Variants in SET observed in about 807,000 individuals in gnomAD.
SET encodes the protein protein SET.
A neutral mutation model predicts 39.0 loss-of-function variants in SET; 4 were observed. The observed-to-expected ratio is 0.10, with a 90% confidence interval of 0.05 to 0.23. The LOEUF (loss-of-function observed/expected upper bound fraction) is 0.23. Ranked by LOEUF, SET falls within the 10% of genes least tolerant of loss-of-function variation. The pLI is 1.00. For synonymous variants in SET, 114 were observed against 115.9 expected (o/e 0.98, Z 0.11); for missense variants, 137 against 329.7 (o/e 0.42, Z 4.53).
chr9:128,694,153 GA>G, intron 7 of SET, 111 bp downstream of exon 7: 6 of 993,790 alleles, frequency 6.0e-6, no homozygotes, highest in Non-Finnish European at 6.9e-6. Flanking sequence ...ACTGATTGTG[GA>G]AAAAAAGTAA....
At position 128,695,995 on chromosome 9, in the gene SET, A is replaced by G; in HGVS notation, c.*1331A>G. On this transcript the variant is annotated 3_prime_UTR_variant, in exon 8 of 8. Transcript: ENST00000322030. Reference sequence around the variant, plus strand: ...TGGCCAAGAAGATAGGCTCTCAGTAAGAAGTCTGATGGTGAGCAGTAACTG... The same window carrying G: ...TGGCCAAGAAGATAGGCTCTCAGTAGGAAGTCTGATGGTGAGCAGTAACTG... 1 of 226,424 alleles carries G rather than the reference A, an allele frequency of 4.4e-6. No individual in the cohort carries two copies. 14.0% of individuals were successfully genotyped at this position (226,424 alleles called of 1,614,324 possible).
intron 7 of SET, 70 bp from the exon 8 acceptor site, chr9:128,694,571 C>T: frequency 1.9e-6 from 2 of 1,040,732 alleles, no homozygotes; most frequent in Non-Finnish European, 2.9e-6. Flanking sequence ...CTCGTGGGGT[C>T]CATTGTGGTC....
At chr9:128,686,721 C>T (rs1456589004), upstream of SET, among the ~76,000 whole-genome samples, 2 of 152,112 alleles carry the variant, frequency 1.3e-5, no homozygotes, top group African/African-American at 4.8e-5. Flanking sequence ...CTTGTAATCC[C>T]AGAGCTCTGG....
At chr9:128,688,134 C>T (rs1042547591), upstream of SET, among the ~76,000 whole-genome samples, 1 of 152,150 alleles carries the variant, frequency 6.6e-6, no homozygotes, top group Non-Finnish European at 1.5e-5. Context: ...TTGCTTGAAC[C>T]CGAGAGGCAG....
chr9:128,691,747 T>G (rs920942548), intron 2 of SET, 111 bp from the exon 3 acceptor site: 1 of 1,014,518 alleles, frequency 9.9e-7, no homozygotes, highest in Admixed American at 2.9e-5. Context: ...TTATTATAAT[T>G]TGGTTATTTT....
At chr9:128,694,242 T>TGG (rs1564362336) in intron 7 of SET, among the ~76,000 whole-genome samples, 200 bp downstream of exon 7, 1 of 151,702 alleles carries the variant, frequency 6.6e-6, no homozygotes, top group African/African-American at 2.4e-5. Flanking sequence ...TTTTTTGGTT[T>TGG]TTTTTTGGGT....
chr9:128,694,143 A>G (rs1238127656), intron 7 of SET, 101 bp downstream of exon 7: 1 of 1,076,352 alleles, frequency 9.3e-7, no homozygotes, highest in East Asian at 2.8e-5. Flanking sequence ...ACTGACCAGA[A>G]CTGATTGTGG....
At position 128,692,659 on chromosome 9, in the gene SET, T is replaced by C. The variant is rs1177490537; in HGVS notation, c.275-3T>C. On this transcript the variant is annotated splice_region_variant and splice_polypyrimidine_tract_variant and intron_variant, in intron 3 of 7. Coordinates refer to ENST00000322030, the MANE Select transcript of SET (RefSeq NM_003011.4). ...TCAGCTGACCTGTAATTTTCTGGCC[T>C]AGTGTCTGCACTGCTTGGGGAGGAA... 1.3e-6 allele frequency: 2 copies of C among 1,597,654 alleles called. No homozygotes were observed. Among genetic ancestry groups the C allele is most frequent in the African/African-American group, 1.3e-5 (1 of 74,594 alleles).
chr9:128,685,103 C>A (rs1861240347), upstream of SET: 1 of 1,550,922 alleles, frequency 6.4e-7, no homozygotes, highest in East Asian at 2.4e-5. Context: ...GAGGAGGAGT[C>A]CTACCTCAGG....
intron 1 of SET, chr9:128,690,052 C>G (rs1487187583): frequency 2.1e-6 from 2 of 963,972 alleles, no homozygotes; most frequent in Non-Finnish European, 2.5e-6. Context: ...GCCCCGCGCC[C>G]GACCTCCCGC....
At chr9:128,684,264 C>T (rs1047017965), upstream of SET, among the ~76,000 whole-genome samples, 56 of 152,250 alleles carry the variant, frequency 3.7e-4, no homozygotes, top group African/African-American at 1.2e-3. Flanking sequence ...AAACTTCCTC[C>T]TCTGGGGCTC....
chr9:128,692,474 G>A (rs576277971), intron 3 of SET, 188 bp from the exon 4 acceptor site: 26 of 468,128 alleles, frequency 5.6e-5, no homozygotes, highest in African/African-American at 4.4e-4. Context: ...CTGTTTAGGA[G>A]AAGCTATATT....
At chr9:128,688,944 G>C (rs1053416485), upstream of SET, among the ~76,000 whole-genome samples, 1 of 151,776 alleles carries the variant, frequency 6.6e-6, no homozygotes, top group Non-Finnish European at 1.5e-5. Flanking sequence ...CCGGCCGGGG[G>C]CACCCGCGCC....
Position 128,694,718 on chromosome 9 carries a change from G to A in SET, c.*54G>A. On this transcript the variant is annotated 3_prime_UTR_variant, in exon 8 of 8. Transcript: ENST00000322030. ...TTTTTTTAAATTTTCTCCAGTCCCT[G>A]GGAGCAAGTTGCAGTCTTTTTTTTT... 1.1e-6 allele frequency: 1 copy of A among 950,506 alleles called. No homozygotes were observed. The highest frequency in any genetic ancestry group is 1.6e-6 in the Non-Finnish European group (1 of 635,068). The allele number at this position is 950,506 out of a possible 1,614,324, so 58.9% of individuals were successfully genotyped here. A position where few individuals can be genotyped will look rare whatever the true frequency, so the allele number is the denominator to read the frequency against.
rs115990330 is a variant in SET at position 128,692,074 on chromosome 9, G to A, written c.274+74G>A. On this transcript the variant is annotated intron_variant, in intron 3 of 7. Transcript: ENST00000322030. ...ATGGAGGAAGCTTGGTGAAGACTTA[G>A]TCCAGCATGCTGGGTTGCGTGCAAC... 1.2e-3 allele frequency: 1,882 copies of A among 1,552,418 alleles called. 14 individuals are homozygous for A. In the African/African-American group the frequency reaches 0.023, roughly 19 times the overall value.
At chr9:128,691,623 G>A (rs982870900) in intron 2 of SET, among the ~76,000 whole-genome samples, 1 of 152,124 alleles carries the variant, frequency 6.6e-6, no homozygotes, top group African/African-American at 2.4e-5. Flanking sequence ...AAATACACAC[G>A]TTACCAGAGT....
chr9:128,693,880 C>G lies in SET; in HGVS notation c.664-16C>G. 1 of 1,288,184 alleles carries G rather than the reference C, an allele frequency of 7.8e-7. No individual in the cohort carries two copies. The highest frequency in any genetic ancestry group is 1.1e-6 in the Non-Finnish European group (1 of 937,456). 79.8% of individuals were successfully genotyped at this position (1,288,184 alleles called of 1,614,324 possible). On this transcript the variant is annotated splice_polypyrimidine_tract_variant and intron_variant, in intron 6 of 7. Coordinates refer to ENST00000322030, the MANE Select transcript of SET (RefSeq NM_003011.4). The stretch of plus-strand genomic sequence containing the variant: ...TTTAAAAATGAGTCCTTATATTGTG[C>G]TTTTTTTTTTTTAAGGTTCCCGATA...
upstream of SET, among the ~76,000 whole-genome samples, chr9:128,687,700 A>T (rs73625228): frequency 9.1e-4 from 138 of 151,478 alleles, no homozygotes; most frequent in African/African-American, 3.0e-3. Flanking sequence ...CTGGTTAAAA[A>T]TGTCCAAAGA....
intron 2 of SET, 90 bp from the exon 3 acceptor site, chr9:128,691,768 A>G: frequency 7.8e-7 from 1 of 1,282,644 alleles, no homozygotes; most frequent in South Asian, 1.5e-5. Flanking sequence ...GCATGACTCA[A>G]GCTAGTAAGT....
Sources: gnomAD v4.1 joint callset for allele counts (sites outside exome capture counted in the v4.1 genomes callset) on GRCh38, gnomAD v4.1.1 for gene constraint, MANE v1.5 for transcripts, NCBI Gene and HGNC (gene_info 2026-07-23, HGNC 2026-07-21) for gene names.